ABCB1: variants seen among roughly 807,000 people sequenced by gnomAD.
ABCB1 encodes the protein ATP binding cassette subfamily B member 1.
A neutral mutation model predicts 142.0 loss-of-function variants in ABCB1; 69 were observed. The ratio of observed to expected loss-of-function variants is 0.49; its 90% CI spans 0.40 to 0.59. ABCB1 has a LOEUF of 0.59. Ranked by LOEUF, ABCB1 falls within the 20% of genes least tolerant of loss-of-function variation. The pLI is 0.00. For synonymous variants in ABCB1, 532 were observed against 539.2 expected (o/e 0.99, Z 0.18); for missense variants, 1,326 against 1,554.7 (o/e 0.85, Z 2.47).
chr7:87,604,418 TAATAACACAATATTGTTATTGTGTTAC>T (rs532585424), upstream of ABCB1, among the ~76,000 whole-genome samples: 1 of 152,112 alleles, frequency 6.6e-6, no homozygotes, highest in African/African-American at 2.4e-5. Flanking sequence ...GTGTTAACAA[TAATAACACAATATTGTTATTGTGTTAC>T]AATAACACAA....
chr7:87,515,898 C>T (rs1434385083), intron 24 of ABCB1, among the ~76,000 whole-genome samples: 1 of 152,132 alleles, frequency 6.6e-6, no homozygotes, highest in Non-Finnish European at 1.5e-5. Flanking sequence ...TGCTTGACCT[C>T]AGACTGCTAG....
intron 1 of ABCB1, among the ~76,000 whole-genome samples, chr7:87,670,401 G>A (rs1040910028): frequency 1.3e-5 from 2 of 152,014 alleles, no homozygotes; most frequent in South Asian, 4.1e-4. Flanking sequence ...CATTTTCCTT[G>A]GATTGGGTTT....
At chr7:87,627,020 C>T (rs1023516336) in intron 1 of ABCB1, among the ~76,000 whole-genome samples, 17 of 152,210 alleles carry the variant, frequency 1.1e-4, no homozygotes, top group African/African-American at 3.9e-4. Context: ...GTGATCCGCC[C>T]GCCTCAGCCT....
At position 87,545,478 on chromosome 7, in the gene ABCB1, G is replaced by A. The variant is rs78397483; in HGVS notation, c.1887+385C>T. Among the ~76,000 whole-genome samples the A allele has an allele frequency of 2.6e-3, 394 of 152,014 alleles. 1 individual carries two copies. Among genetic ancestry groups the A allele is most frequent in the African/African-American group, 9.0e-3 (373 of 41,478 alleles). On this transcript the variant is annotated intron_variant, in intron 15 of 27. Coordinates refer to ENST00000622132, the MANE Select transcript of ABCB1 (RefSeq NM_001348946.2). ...TATATTATTGATATCCCATGATATC[G>A]TTTCAACATGTAATCAATATAAAAA...
intron 1 of ABCB1, among the ~76,000 whole-genome samples, chr7:87,691,214 T>C (rs1430037369): frequency 6.6e-6 from 1 of 152,142 alleles, no homozygotes; most frequent in Non-Finnish European, 1.5e-5. Context: ...AATTTCAATA[T>C]TAATAAAATT....
intron 4 of ABCB1, among the ~76,000 whole-genome samples, chr7:87,573,218 A>G (rs1466767931): frequency 6.6e-6 from 1 of 152,140 alleles, no homozygotes; most frequent in Non-Finnish European, 1.5e-5. Flanking sequence ...CATTAATAAA[A>G]CCATCATCCT....
intron 1 of ABCB1, among the ~76,000 whole-genome samples, chr7:87,705,164 C>G (rs1829475974): frequency 6.6e-6 from 1 of 152,194 alleles, no homozygotes; most frequent in Non-Finnish European, 1.5e-5. Context: ...GTGGCTCATG[C>G]CTGTAATCCC....
chr7:87,597,026 T>C (rs1289680146), intron 2 of ABCB1, among the ~76,000 whole-genome samples: 2 of 152,086 alleles, frequency 1.3e-5, no homozygotes, highest in Non-Finnish European at 2.9e-5. Context: ...ACACAATTCA[T>C]AAACAATTCT....
intron 18 of ABCB1, among the ~76,000 whole-genome samples, chr7:87,541,032 C>T (rs1433217329): frequency 6.6e-6 from 1 of 152,154 alleles, no homozygotes; most frequent in East Asian, 1.9e-4. Context: ...CATTTACTGG[C>T]AATACTTATA....
At chr7:87,602,516 T>G (rs527718380), upstream of ABCB1, among the ~76,000 whole-genome samples, 1 of 152,250 alleles carries the variant, frequency 6.6e-6, no homozygotes, top group East Asian at 1.9e-4. Flanking sequence ...TTTTCACTTT[T>G]GTTTTGCTTT....
At chr7:87,604,475 T>C (rs913648779), upstream of ABCB1, among the ~76,000 whole-genome samples, 3 of 152,122 alleles carry the variant, frequency 2.0e-5, no homozygotes, top group Non-Finnish European at 4.4e-5. Flanking sequence ...ATCCACACAC[T>C]CTCCACCCTT....
At chr7:87,576,138 G>A (rs1029921135) in intron 4 of ABCB1, among the ~76,000 whole-genome samples, 6 of 151,768 alleles carry the variant, frequency 4.0e-5, no homozygotes, top group African/African-American at 1.5e-4. Flanking sequence ...GAATGGGTTA[G>A]GTACTATCTG....
Position 87,515,214 on chromosome 7 carries a change from T to A in ABCB1, c.3282+17A>T. ...TGATGAAAACCTGAACTGAGCTAAA[T>A]GTGAAAGTGTGCTCACCACTTTCCC... On this transcript the variant is annotated intron_variant, in intron 25 of 27. Coordinates refer to ENST00000622132, the MANE Select transcript of ABCB1 (RefSeq NM_001348946.2). 6.2e-7 allele frequency: 1 copy of A among 1,612,564 alleles called. No homozygotes were observed. Among genetic ancestry groups the A allele is most frequent in the Non-Finnish European group, 8.5e-7 (1 of 1,179,694 alleles).
chr7:87,606,122 G>T (rs1465850592), intron 1 of ABCB1, among the ~76,000 whole-genome samples: 1 of 151,744 alleles, frequency 6.6e-6, no homozygotes, highest in Non-Finnish European at 1.5e-5. Flanking sequence ...TTATATAAAT[G>T]GATAAGAAAA....
intron 1 of ABCB1, among the ~76,000 whole-genome samples, chr7:87,622,908 G>T (rs969476314): frequency 6.6e-6 from 1 of 152,060 alleles, no homozygotes; most frequent in Non-Finnish European, 1.5e-5. Flanking sequence ...CAGCTGTGGT[G>T]GTGCATGCCT....
Position 87,544,937 on chromosome 7 carries a change from G to A in ABCB1, c.1950C>T (p.Ala650=). The change falls in exon 16 of 28, where the codon GCC becomes GCT. Residue 650 remains alanine, a synonymous_variant. Coordinates refer to ENST00000622132, the MANE Select transcript of ABCB1 (RefSeq NM_001348946.2). ...AADESKSEID[A]LEMSSNDSRS... ...TTGAATCATTTGAAGACATTTCCAA[G>A]GCATCAATTTCACTTTTGGATTCAT... 1 of 1,614,004 alleles carries A rather than the reference G, an allele frequency of 6.2e-7. No homozygotes were observed. Among genetic ancestry groups the A allele is most frequent in the South Asian group, 1.1e-5 (1 of 91,066 alleles).
chr7:87,646,265 A>T (rs1352315923), intron 1 of ABCB1, among the ~76,000 whole-genome samples: 1 of 152,192 alleles, frequency 6.6e-6, no homozygotes, highest in East Asian at 1.9e-4. Flanking sequence ...ATGAAAATAT[A>T]TGCACTAATA....
chr7:87,616,181 G>A (rs113588349), intron 1 of ABCB1, among the ~76,000 whole-genome samples: 8 of 152,118 alleles, frequency 5.3e-5, no homozygotes, highest in East Asian at 1.9e-4. Flanking sequence ...TCTATTACTC[G>A]GAATAATAAG....
chr7:87,661,424 C>T lies in ABCB1; in HGVS notation c.-331+51737G>A, dbSNP rs151169062. Among the ~76,000 whole-genome samples the T allele has an allele frequency of 5.6e-3, 855 of 151,622 alleles. 5 individuals are homozygous for T. The highest frequency in any genetic ancestry group is 9.2e-3 in the Non-Finnish European group (625 of 67,826). On this transcript the variant is annotated intron_variant, in intron 1 of 28. Transcript: ENST00000265724. The stretch of plus-strand genomic sequence containing the variant: ...CTAACTGCCCCCCACCTTCACTACC[C>T]TCCCCAGCCTCTGGTAACCATTATT...
Sources: allele counts gnomAD v4.1 joint callset (sites outside exome capture counted in the v4.1 genomes callset), GRCh38; gene constraint gnomAD v4.1.1; transcripts MANE v1.5; gene names NCBI Gene and HGNC (gene_info 2026-07-23, HGNC 2026-07-21).